MPDZ: variants seen among roughly 807,000 people sequenced by gnomAD.
MPDZ encodes the protein multiple PDZ domain crumbs cell polarity complex component, also known as multiple PDZ domain protein.
A neutral mutation model predicts 239.1 loss-of-function variants in MPDZ; 234 were observed. That is an observed-to-expected ratio of 0.98 (90% CI 0.88 to 1.09). The LOEUF is 1.09. Ranked by LOEUF, MPDZ falls within the 50% of genes least tolerant of loss-of-function variation. MPDZ has a pLI of 0.00. For synonymous variants in MPDZ, 1,048 were observed against 881.3 expected, an observed-to-expected ratio of 1.19 and a Z score of -3.35; for missense variants, 3,175 against 2,510.0, an observed-to-expected ratio of 1.26 and a Z score of -5.66.
intron 1 of MPDZ, among the ~76,000 whole-genome samples, chr9:13,273,762 T>C (rs878921246): frequency 6.6e-6 from 1 of 152,238 alleles, no homozygotes; most frequent in African/African-American, 2.4e-5. Context: ...TTTCAACATA[T>C]AATCAGTATA....
chr9:13,243,742 T>G (rs538632312), intron 3 of MPDZ, among the ~76,000 whole-genome samples: 3 of 152,338 alleles, frequency 2.0e-5, no homozygotes, highest in East Asian at 1.9e-4. Context: ...CAAAGAAAAG[T>G]CTGCCTTAAT....
chr9:13,148,029 A>T (rs1020970850), intron 25 of MPDZ, among the ~76,000 whole-genome samples: 2 of 151,982 alleles, frequency 1.3e-5, no homozygotes, highest in African/African-American at 4.8e-5. Context: ...CACTGTACTA[A>T]TTTTCTTCTA....
At chr9:13,175,714 G>T in intron 21 of MPDZ, 38 bp downstream of exon 21, 1 of 1,496,072 alleles carries the variant, frequency 6.7e-7, no homozygotes, top group Non-Finnish European at 9.0e-7. Flanking sequence ...TGTCAAGGGG[G>T]TTGAGGAGTA....
At chr9:13,157,975 C>T (rs2133379909) in intron 24 of MPDZ, 43 bp downstream of exon 24, 1 of 1,523,068 alleles carries the variant, frequency 6.6e-7, no homozygotes, top group East Asian at 2.3e-5. Context: ...TCTTTAAACA[C>T]TATATATCCA....
rs866408029 is a variant in MPDZ, at chr9:13,158,757, T to A, written c.3360-647A>T. Among the ~76,000 whole-genome samples, 17 of 152,296 alleles carry A rather than the reference T, an allele frequency of 1.1e-4. No homozygotes were observed. In the South Asian group the frequency reaches 3.5e-3, roughly 32 times the overall value. The stretch of plus-strand genomic sequence containing the variant: ...ATGTAGCAATTTAGATTTTGCCAAA[T>A]GCCAGGCATGTAACAAAATGTGTCC... On this transcript the variant is annotated intron_variant, in intron 23 of 46. Transcript: ENST00000319217.
intron 3 of MPDZ, among the ~76,000 whole-genome samples, chr9:13,236,265 ATATTTTTT>A (rs1164865053): frequency 1.1e-4 from 1 of 9,204 alleles, no homozygotes; most frequent in African/African-American, 2.2e-4. Context: ...ATATATATAT[ATATTTTTT>A]TTTTTTTTTT....
chr9:13,207,155 A>G (rs764717796), intron 10 of MPDZ, among the ~76,000 whole-genome samples: 1 of 152,182 alleles, frequency 6.6e-6, no homozygotes, highest in Non-Finnish European at 1.5e-5. Context: ...AGAAAGAAAA[A>G]AAGTGTCCTG....
chr9:13,186,183 A>C (rs1480647999), intron 18 of MPDZ, 87 bp downstream of exon 18: 6 of 634,306 alleles, frequency 9.5e-6, no homozygotes, highest in East Asian at 6.2e-5. Flanking sequence ...AACAAAGAAT[A>C]TAATAGACTT....
chr9:13,200,325 T>G (rs1956229358), intron 12 of MPDZ, among the ~76,000 whole-genome samples: 1 of 151,982 alleles, frequency 6.6e-6, no homozygotes, highest in African/African-American at 2.4e-5. Flanking sequence ...TTATCTATTT[T>G]AGGTCTTTTT....
chr9:13,227,831 G>A (rs1340449949), intron 3 of MPDZ, among the ~76,000 whole-genome samples: 1 of 152,086 alleles, frequency 6.6e-6, no homozygotes, highest in Non-Finnish European at 1.5e-5. Flanking sequence ...AAAAGCAGAG[G>A]TTATAGAGAT....
chr9:13,250,354 CA>C lies in MPDZ; in HGVS notation c.-40del. The C allele has an allele frequency of 6.4e-7, 1 of 1,560,618 alleles. No individual in the cohort carries two copies. The highest frequency in any genetic ancestry group is 8.7e-7 in the Non-Finnish European group (1 of 1,148,160). On this transcript the variant is annotated 5_prime_UTR_variant, in exon 2 of 47. Transcript: ENST00000319217. ...CAGTGTTCTTCTCTGAAATGATTAA[CA>C]GCAATTAAAATGGAACTCTGTGCAA...
At position 13,205,907 on chromosome 9, in the gene MPDZ, T is replaced by C. The variant is rs376889484; in HGVS notation, c.1474+9A>G. On this transcript the variant is annotated intron_variant, in intron 11 of 46. Coordinates refer to ENST00000319217, the MANE Select transcript of MPDZ (RefSeq NM_001378778.1). ...GGTCTAACTAAAAACCAGATTAACA[T>C]AGGATTACCTTTGATTATGCTGGCA... The C allele has an allele frequency of 8.3e-6, 13 of 1,566,378 alleles. No individual in the cohort carries two copies. The highest frequency in any genetic ancestry group is 3.6e-5 in the South Asian group (3 of 82,264).
intron 1 of MPDZ, among the ~76,000 whole-genome samples, chr9:13,251,206 C>T (rs374852934): frequency 6.7e-6 from 1 of 149,944 alleles, no homozygotes; most frequent in Non-Finnish European, 1.5e-5. Flanking sequence ...ACCTGAACCA[C>T]TGGAAGATAA....
chr9:13,119,832 C>G, intron 38 of MPDZ, 183 bp from the exon 39 acceptor site: 1 of 632,934 alleles, frequency 1.6e-6, no homozygotes, highest in Non-Finnish European at 2.7e-6. Flanking sequence ...CAGCTTATGT[C>G]TTACAGTGCT....
intron 39 of MPDZ, among the ~76,000 whole-genome samples, chr9:13,117,425 G>A (rs1209523943): frequency 6.6e-6 from 1 of 151,894 alleles, no homozygotes; most frequent in Non-Finnish European, 1.5e-5. Flanking sequence ...CAGCTACTCA[G>A]GAGGCTGAGG....
chr9:13,110,092 A>G, intron 44 of MPDZ, 28 bp from the exon 45 acceptor site: 8 of 1,541,722 alleles, frequency 5.2e-6, no homozygotes, highest in Non-Finnish European at 7.1e-6. Context: ...ATAAACAGAA[A>G]AAACACATGT....
At chr9:13,214,465 G>C (rs1448986531) in intron 10 of MPDZ, among the ~76,000 whole-genome samples, 1 of 151,804 alleles carries the variant, frequency 6.6e-6, no homozygotes, top group Non-Finnish European at 1.5e-5. Flanking sequence ...ATGTTTTTAG[G>C]GTTCTGAAAA....
chr9:13,267,332 A>G (rs543121046), intron 1 of MPDZ, among the ~76,000 whole-genome samples: 2 of 152,312 alleles, frequency 1.3e-5, no homozygotes, highest in Admixed American at 1.3e-4. Context: ...TCCTTTACAA[A>G]TATGCATTTC....
At chr9:13,210,206 A>T (rs1957456603) in intron 10 of MPDZ, among the ~76,000 whole-genome samples, 3 of 152,236 alleles carry the variant, frequency 2.0e-5, no homozygotes, top group African/African-American at 7.2e-5. Context: ...TGTGGAAAAG[A>T]AATTACAAAC....
Sources: allele counts gnomAD v4.1 joint callset (sites outside exome capture counted in the v4.1 genomes callset), GRCh38; gene constraint gnomAD v4.1.1; transcripts MANE v1.5; gene names NCBI Gene and HGNC (gene_info 2026-07-23, HGNC 2026-07-21).